ADAMTS9: variants seen among roughly 807,000 people sequenced by gnomAD.
ADAMTS9 encodes ADAM metallopeptidase with thrombospondin type 1 motif 9, also known as A disintegrin and metalloproteinase with thrombospondin motifs 9.
Under a neutral mutation model 257.1 loss-of-function variants are expected in ADAMTS9, and 107 were observed. The ratio of observed to expected loss-of-function variants is 0.42; its 90% confidence interval spans 0.36 to 0.49. ADAMTS9 has a LOEUF of 0.49. Ranked by LOEUF, ADAMTS9 falls within the 20% of genes least tolerant of loss-of-function variation. ADAMTS9 has a pLI of 0.03. For missense variants in ADAMTS9, 2,353 were observed against 2,469.1 expected (o/e 0.95, Z 1.00); for synonymous variants, 982 against 880.9 (o/e 1.11, Z -2.03).
chr3:64,516,875 C>G lies in ADAMTS9; in HGVS notation c.*252G>C, dbSNP rs1373151722. 6.6e-6 allele frequency: 1 copy of G among 152,580 alleles called. No individual in the cohort carries two copies. Among genetic ancestry groups the G allele is most frequent in the Non-Finnish European group, 1.5e-5 (1 of 68,034 alleles). The allele number at this position is 152,580 out of a possible 1,614,324, so 9.5% of individuals were successfully genotyped here. A position where few individuals can be genotyped will look rare whatever the true frequency, so the allele number is the denominator to read the frequency against. ...TTTTACGTACAAAAATATTACATCA[C>G]AATAAATAATTTCAAACATAAATAT... On this transcript the variant is annotated 3_prime_UTR_variant, in exon 40 of 40. Coordinates refer to ENST00000498707, the MANE Select transcript of ADAMTS9 (RefSeq NM_182920.2).
chr3:64,555,659 G>A (rs1357394457), intron 30 of ADAMTS9, among the ~76,000 whole-genome samples: 3 of 152,136 alleles, frequency 2.0e-5, no homozygotes, highest in South Asian at 2.1e-4. Context: ...GAAACACAAC[G>A]GGGCAATTCC....
intron 11 of ADAMTS9, among the ~76,000 whole-genome samples, chr3:64,642,942 C>T (rs1052041609): frequency 3.3e-5 from 5 of 152,142 alleles, no homozygotes; most frequent in Non-Finnish European, 7.4e-5. Flanking sequence ...GTGAAGGTCT[C>T]AGTGGGAATA....
intron 28 of ADAMTS9, among the ~76,000 whole-genome samples, chr3:64,575,538 G>A (rs553656664): frequency 2.0e-5 from 3 of 152,262 alleles, no homozygotes; most frequent in African/African-American, 7.2e-5. Flanking sequence ...AAATTCCAAG[G>A]GGTGCTTGGG....
chr3:64,607,664 C>CT (rs2084583824), intron 22 of ADAMTS9, among the ~76,000 whole-genome samples: 1 of 152,132 alleles, frequency 6.6e-6, no homozygotes, highest in South Asian at 2.1e-4. Flanking sequence ...AAATGGCAGA[C>CT]TAGGGAGCTC....
intron 29 of ADAMTS9, 84 bp from the exon 30 acceptor site, chr3:64,561,835 G>T: frequency 8.2e-7 from 1 of 1,218,118 alleles, no homozygotes; most frequent in Non-Finnish European, 1.2e-6. Context: ...ACAGAGGAGG[G>T]GAATGCACTC....
In ADAMTS9 at chr3:64,681,370, A is replaced by T; in HGVS notation, c.517-7T>A. ...GAGACCGGAATGTGCCCAGCTGCAA[A>T]TGAAGAGAGATGGGAGGTTGATTTA... On this transcript the variant is annotated splice_region_variant and splice_polypyrimidine_tract_variant and intron_variant, in intron 2 of 39. Coordinates refer to ENST00000498707, the MANE Select transcript of ADAMTS9 (RefSeq NM_182920.2). 6.2e-7 allele frequency: 1 copy of T among 1,606,626 alleles called. No individual in the cohort carries two copies. The highest frequency in any genetic ancestry group is 8.5e-7 in the Non-Finnish European group (1 of 1,176,870).
rs932866412 is a variant in ADAMTS9 at position 64,615,560 on chromosome 3, G to T, written c.3025-75C>A. The T allele has an allele frequency of 9.1e-6, 13 of 1,431,162 alleles. No homozygotes were observed. The Admixed American group carries it at 1.2e-4, about 13-fold the overall frequency. 88.7% of individuals were successfully genotyped at this position (1,431,162 alleles called of 1,614,324 possible). A position where few individuals can be genotyped will look rare whatever the true frequency, so the allele number is the denominator to read the frequency against. On this transcript the variant is annotated intron_variant, in intron 20 of 39. Transcript: ENST00000498707. ...GTATGCTGAAGATCCTGGCTATGTT[G>T]TCTCTTCCAGCTCTTAAGAAACAAC...
rs940979923 is a variant in ADAMTS9, at chr3:64,528,672, A to G, written c.5718+4494T>C. On this transcript the variant is annotated intron_variant, in intron 38 of 39. Coordinates refer to ENST00000498707, the MANE Select transcript of ADAMTS9 (RefSeq NM_182920.2). ...CTCCCTTCCTTAGTCACCTTGGCCAACTTCCGAAACAATATGGCAAACCTC... is the reference window on the plus strand; with the variant it reads ...CTCCCTTCCTTAGTCACCTTGGCCAGCTTCCGAAACAATATGGCAAACCTC... Among the ~76,000 whole-genome samples the G allele has an allele frequency of 4.6e-5, 7 of 152,154 alleles. No homozygotes were observed. The East Asian group carries it at 9.6e-4, about 21-fold the overall frequency.
At chr3:64,684,179 G>C (rs1246420613) in intron 2 of ADAMTS9, among the ~76,000 whole-genome samples, 1 of 152,174 alleles carries the variant, frequency 6.6e-6, no homozygotes, top group South Asian at 2.1e-4. Flanking sequence ...ATGTGAGTGA[G>C]TGCACTGTAA....
In ADAMTS9 at chr3:64,602,221, G is replaced by T; in HGVS notation, c.3748-8C>A. 1 of 1,612,422 alleles carries T rather than the reference G, an allele frequency of 6.2e-7. No individual in the cohort carries two copies. The highest frequency in any genetic ancestry group is 8.5e-7 in the Non-Finnish European group (1 of 1,179,170). On this transcript the variant is annotated splice_region_variant and splice_polypyrimidine_tract_variant and intron_variant, in intron 25 of 39. Transcript: ENST00000498707. ...CCCACAGGTCACAGAGCACTAGGTT[G>T]AATGTTCAGAAAGAGAAAGGGTCAG...
In ADAMTS9 at chr3:64,613,522, G is replaced by A; in HGVS notation, c.3190-13C>T. ...AGGTGACCAAGCACTGTAATGAAAA[G>A]CGGAGCTAGTCAGGGTCATTTCTGA... On this transcript the variant is annotated splice_polypyrimidine_tract_variant and intron_variant, in intron 21 of 39. Transcript: ENST00000498707. 1 of 1,610,660 alleles carries A rather than the reference G, an allele frequency of 6.2e-7. No individual in the cohort carries two copies.
chr3:64,544,598 G>T (rs1215390894), intron 32 of ADAMTS9, among the ~76,000 whole-genome samples: 5 of 152,018 alleles, frequency 3.3e-5, no homozygotes, highest in Non-Finnish European at 7.4e-5. Context: ...CCTTATATCT[G>T]ATACAAAAAT....
chr3:64,638,225 C>A (rs146088117), intron 12 of ADAMTS9, among the ~76,000 whole-genome samples: 2 of 152,048 alleles, frequency 1.3e-5, no homozygotes, highest in African/African-American at 4.8e-5. Flanking sequence ...GGAACTGACA[C>A]GATTTTTGTT....
chr3:64,568,606 C>T (rs2083600296), intron 28 of ADAMTS9, 71 bp from the exon 29 acceptor site: 1 of 1,569,972 alleles, frequency 6.4e-7, no homozygotes, highest in Non-Finnish European at 8.7e-7. Context: ...AAACCTGCGT[C>T]TTGAGATGTT....
At chr3:64,537,615 T>A (rs1207075238) in intron 37 of ADAMTS9, among the ~76,000 whole-genome samples, 2 of 152,236 alleles carry the variant, frequency 1.3e-5, no homozygotes, top group African/African-American at 4.8e-5. Context: ...TTCAGATGTG[T>A]TTGTCTTCGG....
At chr3:64,655,981 A>T (rs1331281074) in intron 4 of ADAMTS9, 106 bp from the exon 5 acceptor site, 21 of 645,888 alleles carry the variant, frequency 3.3e-5, no homozygotes, top group Non-Finnish European at 5.2e-5. Flanking sequence ...TTCTTGCAAC[A>T]TATGCATTTT....
chr3:64,548,350 T>C (rs1490897081), intron 31 of ADAMTS9, among the ~76,000 whole-genome samples: 2 of 152,306 alleles, frequency 1.3e-5, no homozygotes, highest in East Asian at 3.9e-4. Flanking sequence ...TGGCTGCTGC[T>C]GTTCAAATGT....
intron 28 of ADAMTS9, among the ~76,000 whole-genome samples, chr3:64,591,928 TC>T (rs1382851582): frequency 6.6e-6 from 1 of 152,186 alleles, no homozygotes; most frequent in Non-Finnish European, 1.5e-5. Flanking sequence ...GTTGTTAGTT[TC>T]ACCGTCAGTT....
In ADAMTS9 at chr3:64,541,176, G is replaced by A; in HGVS notation, c.5440C>T (p.Gln1814Ter). 2 of 1,614,174 alleles carry A rather than the reference G, an allele frequency of 1.2e-6. No homozygotes were observed. The highest frequency in any genetic ancestry group is 1.7e-6 in the Non-Finnish European group (2 of 1,180,020). ...GCGGCCGTGTAATCCTTCCGACATTGGCAGTCATCGCGCCGGCTCCCGTTA... is the reference window on the plus strand; with the variant it reads ...GCGGCCGTGTAATCCTTCCGACATTAGCAGTCATCGCGCCGGCTCCCGTTA... ...PYNGSRRDDC[Q>*]CRKDYTAAGF... The change falls in exon 36 of 40, where the codon CAA becomes TAA. Residue 1814 changes from glutamine to a stop codon, truncating the protein, a stop_gained. Coordinates refer to ENST00000498707, the MANE Select transcript of ADAMTS9 (RefSeq NM_182920.2). LOFTEE classifies it high-confidence loss of function.
Sources: allele counts gnomAD v4.1 joint callset (sites outside exome capture counted in the v4.1 genomes callset), GRCh38; gene constraint gnomAD v4.1.1; transcripts MANE v1.5; gene names NCBI Gene and HGNC (gene_info 2026-07-23, HGNC 2026-07-21).